EFCAB6: variants seen among roughly 807,000 people sequenced by gnomAD.
EFCAB6 encodes the protein EF-hand calcium binding domain 6, also known as EF-hand calcium-binding domain-containing protein 6.
Under a neutral mutation model 169.8 loss-of-function variants are expected in EFCAB6, and 156 were observed. The observed-to-expected ratio is 0.92, with a 90% CI of 0.81 to 1.05. The LOEUF is 1.05. Ranked by LOEUF, EFCAB6 falls within the 50% of genes least tolerant of loss-of-function variation. EFCAB6 has a pLI of 0.00. For synonymous variants in EFCAB6, 698 were observed against 676.4 expected, an observed-to-expected ratio of 1.03 and a Z score of -0.50; for missense variants, 1,800 against 1,829.1, an observed-to-expected ratio of 0.98 and a Z score of 0.29.
At chr22:43,742,152 CCACCTGATTTCGTA>C (rs779891110) in intron 6 of EFCAB6, among the ~76,000 whole-genome samples, 64 of 152,322 alleles carry the variant, frequency 4.2e-4, no homozygotes, top group Admixed American at 7.8e-4. Context: ...CTACTGCCCA[CCACCTGATTTCGTA>C]CACCTGCAAG....
chr22:43,582,341 T>TACACACAC (rs34578401), intron 24 of EFCAB6, among the ~76,000 whole-genome samples: 307 of 148,364 alleles, frequency 2.1e-3, no homozygotes, highest in Admixed American at 3.8e-3. Context: ...TCTATACACA[T>TACACACAC]ACACACACAC....
intron 19 of EFCAB6, among the ~76,000 whole-genome samples, chr22:43,630,443 T>A (rs1180020775): frequency 8.5e-5 from 13 of 152,238 alleles, no homozygotes; most frequent in Non-Finnish European, 1.9e-4. Flanking sequence ...CAAGCTTCAC[T>A]GATCGTAAAG....
At chr22:43,811,926 A>G (rs905833102) in intron 1 of EFCAB6, among the ~76,000 whole-genome samples, 5 of 152,170 alleles carry the variant, frequency 3.3e-5, no homozygotes, top group East Asian at 1.9e-4. Flanking sequence ...TCTTCTCCAC[A>G]TATCAGGTAA....
rs142131669 is a variant in EFCAB6 at position 43,757,060 on chromosome 22, G to T, written c.441-1228C>A. Among the ~76,000 whole-genome samples, 3 of 152,316 alleles carry T rather than the reference G, an allele frequency of 2.0e-5. No individual in the cohort carries two copies. In the East Asian group the frequency reaches 5.8e-4, roughly 29 times the overall value. ...AGTCGACTTCAAAGGGTAAGGGGAA[G>T]ACACTGGAGTGCTTAGCAGAGATTG... is the stretch of plus-strand genomic sequence containing the variant. On this transcript the variant is annotated intron_variant, in intron 5 of 31. Coordinates refer to ENST00000262726, the MANE Select transcript of EFCAB6 (RefSeq NM_022785.4).
intron 2 of EFCAB6, among the ~76,000 whole-genome samples, chr22:43,802,021 G>C (rs192900826): frequency 6.6e-6 from 1 of 152,310 alleles, no homozygotes; most frequent in East Asian, 1.9e-4. Context: ...GGGATGGAAA[G>C]GATATTCCAT....
At position 43,687,525 on chromosome 22, in the gene EFCAB6, T is replaced by A. The variant is rs761169520; in HGVS notation, c.1088A>T (p.His363Leu). 3 of 1,605,566 alleles carry A rather than the reference T, an allele frequency of 1.9e-6. No homozygotes were observed. Among genetic ancestry groups the A allele is most frequent in the South Asian group, 2.3e-5 (2 of 88,542 alleles). ...GCTAACTTGCAACCCCTGAGGCTCA[T>A]GAAATGATGTTAGAAATTGCTTCCA... is the stretch of plus-strand genomic sequence containing the variant. The part of the protein sequence containing the change: ...INWKQFLTSF[H>L]EPQGLQVSSK... Residue 363 changes from histidine (H) to leucine (L), a missense_variant, in exon 11 of 32, where the codon CAT (histidine) becomes CTT (leucine). Transcript: ENST00000262726.
intron 20 of EFCAB6, 96 bp downstream of exon 20, chr22:43,626,351 T>C: frequency 8.3e-7 from 1 of 1,198,196 alleles, no homozygotes; most frequent in South Asian, 1.5e-5. Flanking sequence ...ATCACTCCAT[T>C]CTTTGTATCC....
In EFCAB6 at chr22:43,606,418, G is replaced by A. The variant is rs2052921934; in HGVS notation, c.2681+2064C>T. Among the ~76,000 whole-genome samples, 3 of 152,218 alleles carry A rather than the reference G, an allele frequency of 2.0e-5. No homozygotes were observed. The South Asian group carries it at 6.2e-4, about 32-fold the overall frequency. On this transcript the variant is annotated intron_variant, in intron 22 of 31. Transcript: ENST00000262726. ...ACCCAGTGTTTAAGAAGCATTTGCTGGGTGAACAAATGAAGAAAGGGTGTG... is the reference window on the plus strand; with the variant it reads ...ACCCAGTGTTTAAGAAGCATTTGCTAGGTGAACAAATGAAGAAAGGGTGTG...
intron 17 of EFCAB6, among the ~76,000 whole-genome samples, chr22:43,641,386 C>T (rs560222348): frequency 2.6e-5 from 4 of 152,108 alleles, no homozygotes; most frequent in African/African-American, 7.2e-5. Flanking sequence ...GAGGCTGAGG[C>T]GGGTGGATTG....
intron 8 of EFCAB6, 118 bp from the exon 9 acceptor site, chr22:43,717,090 A>G (rs2147439135): frequency 7.9e-7 from 1 of 1,267,684 alleles, no homozygotes; most frequent in African/African-American, 1.5e-5. Flanking sequence ...AAACCAAGAA[A>G]ATGATGAACC....
intron 6 of EFCAB6, among the ~76,000 whole-genome samples, chr22:43,737,721 A>T (rs2060201197): frequency 6.6e-6 from 1 of 150,460 alleles, no homozygotes; most frequent in Non-Finnish European, 1.5e-5. Context: ...CATCACTCAC[A>T]CATATATTCA....
intron 21 of EFCAB6, among the ~76,000 whole-genome samples, chr22:43,614,582 G>C (rs894059629): frequency 3.9e-5 from 6 of 152,206 alleles, no homozygotes; most frequent in Non-Finnish European, 7.3e-5. Flanking sequence ...TGACTTGTTA[G>C]ATACAATCCA....
chr22:43,623,183 T>C (rs759815392), intron 20 of EFCAB6, among the ~76,000 whole-genome samples: 6 of 152,242 alleles, frequency 3.9e-5, no homozygotes, highest in Non-Finnish European at 5.9e-5. Flanking sequence ...ATTCAGTTAG[T>C]CATCCAACAG....
At chr22:43,599,946 G>A in intron 23 of EFCAB6, 123 bp downstream of exon 23, 5 of 1,105,844 alleles carry the variant, frequency 4.5e-6, no homozygotes, top group Non-Finnish European at 6.5e-6. Flanking sequence ...CTGTGAACAA[G>A]CACGATCATT....
chr22:43,763,480 C>T (rs1468278206), intron 5 of EFCAB6, among the ~76,000 whole-genome samples: 1 of 152,084 alleles, frequency 6.6e-6, no homozygotes, highest in Non-Finnish European at 1.5e-5. Flanking sequence ...AAACTCTACA[C>T]CCATGTACAT....
chr22:43,586,706 T>A (rs1482328304), intron 24 of EFCAB6, among the ~76,000 whole-genome samples: 1 of 151,932 alleles, frequency 6.6e-6, no homozygotes, highest in Admixed American at 6.6e-5. Flanking sequence ...AAAAGGGAGT[T>A]TTAAAAAGGT....
intron 26 of EFCAB6, among the ~76,000 whole-genome samples, chr22:43,568,389 T>C (rs1602313860): frequency 6.6e-6 from 1 of 152,234 alleles, no homozygotes; most frequent in African/African-American, 2.4e-5. Flanking sequence ...GGCTTCTTGA[T>C]AGGATCATGA....
Position 43,555,230 on chromosome 22 carries a change from T to C in EFCAB6, c.3421-134A>G, listed in dbSNP as rs2048634841. 10 of 899,754 alleles carry C rather than the reference T, an allele frequency of 1.1e-5. 1 individual carries two copies. In the South Asian group the frequency reaches 1.3e-4, roughly 12 times the overall value. 55.7% of individuals were successfully genotyped at this position (899,754 alleles called of 1,614,324 possible). A position where few individuals can be genotyped will look rare whatever the true frequency, so the allele number is the denominator to read the frequency against. ...GAGAGGCCAGAAGACAGCTACAGCC[T>C]GGAGGTGGGTTCAGGCAGCCTCCAG... On this transcript the variant is annotated intron_variant, in intron 26 of 31. Coordinates refer to ENST00000262726, the MANE Select transcript of EFCAB6 (RefSeq NM_022785.4).
At chr22:43,684,201 C>T (rs545144623) in intron 11 of EFCAB6, among the ~76,000 whole-genome samples, 2 of 152,310 alleles carry the variant, frequency 1.3e-5, no homozygotes, top group East Asian at 1.9e-4. Flanking sequence ...GGGAGCCCCC[C>T]CTCCTGTGTG....
Sources: allele counts gnomAD v4.1 joint callset (sites outside exome capture counted in the v4.1 genomes callset), GRCh38; gene constraint gnomAD v4.1.1; transcripts MANE v1.5; gene names NCBI Gene and HGNC (gene_info 2026-07-23, HGNC 2026-07-21).